Variants in GULP1 observed in about 807,000 individuals in gnomAD.
The protein encoded by GULP1 is PTB domain-containing engulfment adapter protein 1.
In GULP1, 19 loss-of-function variants were observed where a neutral mutation model predicts 40.9. That is an observed-to-expected ratio of 0.46 (90% confidence interval 0.32 to 0.68). The LOEUF is 0.68. Among genes scored for constraint, GULP1 ranks in the 30% least tolerant of loss-of-function variants. The pLI is 0.03. For missense variants in GULP1, 312 were observed against 362.2 expected (o/e 0.86, Z 1.12); for synonymous variants, 119 against 117.6 (o/e 1.01, Z -0.08).
intron 4 of GULP1, among the ~76,000 whole-genome samples, chr2:188,509,016 A>C (rs1396207027): frequency 6.6e-6 from 1 of 152,080 alleles, no homozygotes; most frequent in Non-Finnish European, 1.5e-5. Context: ...TTCAAAGCTT[A>C]AGTCCACGTG....
chr2:188,468,013 A>G (rs969950038), intron 2 of GULP1, among the ~76,000 whole-genome samples: 1 of 152,208 alleles, frequency 6.6e-6, no homozygotes, highest in Non-Finnish European at 1.5e-5. Flanking sequence ...TTTATCTTTC[A>G]TATTTGGTAT....
At chr2:188,462,512 T>A (rs1483632857) in intron 2 of GULP1, among the ~76,000 whole-genome samples, 2 of 152,180 alleles carry the variant, frequency 1.3e-5, no homozygotes, top group African/African-American at 2.4e-5. Flanking sequence ...GTGCTTATAG[T>A]GGGGCGTTGA....
intron 1 of GULP1, among the ~76,000 whole-genome samples, chr2:188,319,501 T>C (rs2039645340): frequency 6.6e-6 from 1 of 152,160 alleles, no homozygotes; most frequent in South Asian, 2.1e-4. Context: ...GATTTGATTT[T>C]ACAACTGAAG....
At chr2:188,508,782 G>A (rs1281859917) in intron 4 of GULP1, among the ~76,000 whole-genome samples, 2 of 151,938 alleles carry the variant, frequency 1.3e-5, no homozygotes, top group African/African-American at 4.8e-5. Flanking sequence ...TTGGGATCTG[G>A]AACCAAATAA....
Position 188,345,508 on chromosome 2 carries a change from G to GTTA in GULP1, c.-171-38254_-171-38252dup, listed in dbSNP as rs1224669427. The stretch of plus-strand genomic sequence containing the variant: ...AATAACCATGGTCAAGTGCTGAAAG[G>GTTA]TTAAGTAAAGGAGTGATTAAATATG... On this transcript the variant is annotated intron_variant, in intron 1 of 11. Transcript: ENST00000409830. Among the ~76,000 whole-genome samples the GTTA allele has an allele frequency of 3.9e-5, 6 of 152,342 alleles. No homozygotes were observed. In the South Asian group the frequency reaches 8.3e-4, roughly 21 times the overall value.
At chr2:188,399,436 G>C (rs1162193000) in intron 2 of GULP1, among the ~76,000 whole-genome samples, 3 of 152,080 alleles carry the variant, frequency 2.0e-5, no homozygotes, top group Non-Finnish European at 4.4e-5. Context: ...AAGACTGCCT[G>C]TACTAGGAGA....
chr2:188,345,075 T>C (rs531001264), intron 1 of GULP1, among the ~76,000 whole-genome samples: 1 of 152,312 alleles, frequency 6.6e-6, no homozygotes, highest in Admixed American at 6.5e-5. Flanking sequence ...AGTATGTACT[T>C]CAGGCTCTGA....
intron 4 of GULP1, among the ~76,000 whole-genome samples, chr2:188,501,700 T>G (rs1188342839): frequency 6.6e-6 from 1 of 151,966 alleles, no homozygotes; most frequent in Non-Finnish European, 1.5e-5. Flanking sequence ...AAGGGATTGA[T>G]GACTCTTGGT....
intron 8 of GULP1, 133 bp downstream of exon 8, chr2:188,569,488 G>T: frequency 5.9e-6 from 4 of 676,226 alleles, no homozygotes; most frequent in East Asian, 2.7e-5. Flanking sequence ...CTTTCACCGT[G>T]TTCCCATAAT....
intron 1 of GULP1, among the ~76,000 whole-genome samples, chr2:188,361,741 G>A (rs2046118440): frequency 2.0e-5 from 3 of 152,000 alleles, no homozygotes; most frequent in African/African-American, 4.8e-5. Flanking sequence ...TAATGACCTG[G>A]TTTAGAAAGC....
chr2:188,358,124 T>C (rs1331679948), intron 1 of GULP1, among the ~76,000 whole-genome samples: 1 of 152,140 alleles, frequency 6.6e-6, no homozygotes, highest in Non-Finnish European at 1.5e-5. Context: ...GAAGTTTCAG[T>C]GAGCCAAGAT....
intron 2 of GULP1, among the ~76,000 whole-genome samples, chr2:188,386,036 C>T (rs1235386866): frequency 6.6e-6 from 1 of 152,186 alleles, no homozygotes; most frequent in African/African-American, 2.4e-5. Context: ...GGTATCTTTT[C>T]AGCAGCATCC....
At chr2:188,474,641 A>G (rs2060859171) in intron 2 of GULP1, among the ~76,000 whole-genome samples, 1 of 152,260 alleles carries the variant, frequency 6.6e-6, no homozygotes, top group South Asian at 2.1e-4. Context: ...CTACCTTTTC[A>G]GTGCCTCTTT....
At chr2:188,337,686 GTA>G (rs1174813447) in intron 1 of GULP1, among the ~76,000 whole-genome samples, 5 of 151,814 alleles carry the variant, frequency 3.3e-5, no homozygotes, top group Non-Finnish European at 7.4e-5. Context: ...CCTGGTGATG[GTA>G]GTCGTGCTGA....
intron 4 of GULP1, among the ~76,000 whole-genome samples, chr2:188,490,544 A>G (rs918051582): frequency 6.6e-6 from 1 of 152,094 alleles, no homozygotes; most frequent in Non-Finnish European, 1.5e-5. Flanking sequence ...GACTAAGTAA[A>G]GTCTATGTAT....
intron 7 of GULP1, among the ~76,000 whole-genome samples, chr2:188,565,004 A>G (rs1225182995): frequency 6.6e-6 from 1 of 151,960 alleles, no homozygotes; most frequent in Non-Finnish European, 1.5e-5. Context: ...TATGGGAAAA[A>G]ATTATGAAAA....
intron 1 of GULP1, among the ~76,000 whole-genome samples, chr2:188,360,179 C>A (rs1459912025): frequency 6.6e-6 from 1 of 152,066 alleles, no homozygotes; most frequent in Non-Finnish European, 1.5e-5. Context: ...TTCTTAGATT[C>A]TCTGGTTATG....
intron 2 of GULP1, among the ~76,000 whole-genome samples, chr2:188,468,612 A>C (rs921552786): frequency 1.3e-5 from 2 of 152,210 alleles, no homozygotes; most frequent in East Asian, 3.9e-4. Flanking sequence ...AACAGTTTTT[A>C]TAGTGAAATG....
intron 4 of GULP1, among the ~76,000 whole-genome samples, chr2:188,496,617 G>T (rs544352352): frequency 6.6e-6 from 1 of 151,898 alleles, no homozygotes; most frequent in African/African-American, 2.4e-5. Context: ...AATGAACTTA[G>T]AATTTTACAG....
Sources: gnomAD v4.1 joint callset for allele counts (sites outside exome capture counted in the v4.1 genomes callset) on GRCh38, gnomAD v4.1.1 for gene constraint, MANE v1.5 for transcripts, NCBI Gene and HGNC (gene_info 2026-07-23, HGNC 2026-07-21) for gene names.